NLRP2: variants seen among roughly 807,000 people sequenced by gnomAD.
The protein encoded by NLRP2 is NACHT, LRR and PYD domains-containing protein 2.
A neutral mutation model predicts 97.2 loss-of-function variants in NLRP2; 107 were observed. The observed-to-expected ratio is 1.10, with a 90% CI of 0.94 to 1.29. The LOEUF (loss-of-function observed/expected upper bound fraction) is 1.29. Among genes scored for constraint, NLRP2 ranks in the 50% most tolerant of loss-of-function variants. The pLI is 0.00. For synonymous variants in NLRP2, 663 were observed against 551.5 expected (o/e 1.20, Z -2.83); for missense variants, 1,495 against 1,330.3 (o/e 1.12, Z -1.93).
At chr19:54,981,525 G>GC (rs544570599) in intron 4 of NLRP2, 92 bp from the exon 5 acceptor site, 19 of 289,310 alleles carry the variant, frequency 6.6e-5, no homozygotes, top group East Asian at 9.2e-5. Context: ...CCTCCCCCCC[G>GC]CCCCATCAGC....
Position 54,985,166 on chromosome 19 carries a change from G to A in NLRP2, c.2150G>A (p.Arg717Lys). The change falls in exon 7 of 13, where the codon AGG (arginine) becomes AAG (lysine). Residue 717 changes from arginine (R) to lysine (K), a missense_variant. By Grantham distance (26) the Arg-to-Lys change is conservative. Transcript: ENST00000448584. ...NDSFLSASLV[R>K]ILCEQIASDT... ...AGCTTTCTCAGTGCCTCCCTAGTAA[G>A]GATCCTGTGTGAACAAATAGCCTCT... 1 of 1,614,102 alleles carries A rather than the reference G, an allele frequency of 6.2e-7. No homozygotes were observed. Among genetic ancestry groups the A allele is most frequent in the Non-Finnish European group, 8.5e-7 (1 of 1,180,022 alleles).
At chr19:54,975,560 T>C (rs183194154) in intron 3 of NLRP2, among the ~76,000 whole-genome samples, 3,374 of 147,890 alleles carry the variant, frequency 0.023, 386 homozygotes, top group African/African-American at 0.08. Flanking sequence ...CATGCCATTC[T>C]CCTGCCTCAG....
chr19:54,990,731 G>A (rs1038530620), intron 10 of NLRP2, 59 bp downstream of exon 10: 28 of 1,571,130 alleles, frequency 1.8e-5, no homozygotes, highest in African/African-American at 1.1e-4. Flanking sequence ...CCCCACCTCC[G>A]GGTTTGAGTA....
rs755178555 is a variant in NLRP2 at position 54,983,323 on chromosome 19, T to C, written c.1625T>C (p.Val542Ala). 22 of 1,613,950 alleles carry C rather than the reference T, an allele frequency of 1.4e-5. No individual in the cohort carries two copies. The highest frequency in any genetic ancestry group is 1.9e-5 in the Non-Finnish European group (22 of 1,179,982). The change falls in exon 6 of 13, where the codon GTA (valine) becomes GCA (alanine). Residue 542 changes from valine to alanine, a missense_variant. By Grantham distance (64) the Val-to-Ala change is moderately conservative. Transcript: ENST00000448584. The stretch of plus-strand genomic sequence containing the variant: ...GACGTACAGAAGCTGCTTTCCGGAG[T>C]AGAAAGACTCAGGAACCCCGACCTG... ...IGDVQKLLSG[V>A]ERLRNPDLIQ...
Position 54,996,046 on chromosome 19 carries a change from A to C in NLRP2, c.2880-1271A>C, listed in dbSNP as rs147083286. Among the ~76,000 whole-genome samples, 41 of 147,954 alleles carry C rather than the reference A, an allele frequency of 2.8e-4. 2 individuals are homozygous for C. In the East Asian group the frequency reaches 6.9e-3, roughly 25 times the overall value. ...CAGTGAGATCCTGTCTCAAAAAAAA[A>C]AAAAAAACAAAAAAAACAAAGGCGC... On this transcript the variant is annotated intron_variant, in intron 11 of 12. Coordinates refer to ENST00000448584, the MANE Select transcript of NLRP2 (RefSeq NM_017852.5).
At position 54,997,495 on chromosome 19, in the gene NLRP2, C is replaced by A; in HGVS notation, c.3050+8C>A. 6.2e-7 allele frequency: 1 copy of A among 1,614,020 alleles called. No homozygotes were observed. Among genetic ancestry groups the A allele is most frequent in the Non-Finnish European group, 8.5e-7 (1 of 1,179,902 alleles). ...CACCCTCCGGACACTCAGGTATGATCCATTTACTTCCCCATCAGGCTTTCT... is the reference window on the plus strand; with the variant it reads ...CACCCTCCGGACACTCAGGTATGATACATTTACTTCCCCATCAGGCTTTCT... On this transcript the variant is annotated splice_region_variant and intron_variant, in intron 12 of 12. Coordinates refer to ENST00000448584, the MANE Select transcript of NLRP2 (RefSeq NM_017852.5).
intron 3 of NLRP2, among the ~76,000 whole-genome samples, chr19:54,977,484 AGTTTGT>A (rs1229568816): frequency 1.2e-4 from 8 of 64,644 alleles, no homozygotes; most frequent in African/African-American, 4.9e-4. Flanking sequence ...ATGCGTGAGT[AGTTTGT>A]GTGTGTGTGT....
chr19:54,968,836 G>C (rs1039712835), intron 1 of NLRP2, among the ~76,000 whole-genome samples: 1 of 151,638 alleles, frequency 6.6e-6, no homozygotes, highest in Non-Finnish European at 1.5e-5. Flanking sequence ...CAAGTAGCTG[G>C]AACTACAGGC....
Position 54,988,677 on chromosome 19 carries a change from G to A in NLRP2, c.2367-1345G>A, listed in dbSNP as rs1367763703. 5.3e-5 allele frequency among the ~76,000 whole-genome samples: 8 copies of A among 152,150 alleles called. 1 individual carries two copies. Among genetic ancestry groups the A allele is most frequent in the East Asian group, 1.9e-4 (1 of 5,156 alleles). ...TGGGATTACAGCCATGTGCCACCAC[G>A]CCCAGCTAATTCTTGTATTTTTAGG... On this transcript the variant is annotated intron_variant, in intron 8 of 12. Transcript: ENST00000448584.
intron 2 of NLRP2, among the ~76,000 whole-genome samples, chr19:54,971,698 A>G (rs923541815): frequency 5.3e-5 from 8 of 151,866 alleles, no homozygotes; most frequent in Non-Finnish European, 1.0e-4. Context: ...ATTATTTTCT[A>G]CCTATTTCTA....
chr19:54,988,637 C>G (rs182959278), intron 8 of NLRP2, among the ~76,000 whole-genome samples: 19 of 152,146 alleles, frequency 1.2e-4, no homozygotes, highest in Non-Finnish European at 1.2e-4. Context: ...AAGTGACATC[C>G]ATCTTCCAAA....
intron 8 of NLRP2, 164 bp downstream of exon 8, chr19:54,986,479 T>TG (rs1200513475): frequency 4.4e-6 from 3 of 687,684 alleles, no homozygotes; most frequent in South Asian, 1.6e-5. Context: ...AGTTTCTACT[T>TG]GCCTTGAACA....
rs2146531358 is a variant in NLRP2 at position 54,994,216 on chromosome 19, G to C, written c.2709-53G>C. 1.0e-5 allele frequency: 16 copies of C among 1,590,304 alleles called. No individual in the cohort carries two copies. The South Asian group carries it at 1.8e-4, about 18-fold the overall frequency. On this transcript the variant is annotated intron_variant, in intron 10 of 12. Coordinates refer to ENST00000448584, the MANE Select transcript of NLRP2 (RefSeq NM_017852.5). ...GCTCAAGAGTCAAAGGTGCATCACAGCAGTGAGAACTCACAGGTTCGGGTT... is the reference window on the plus strand; with the variant it reads ...GCTCAAGAGTCAAAGGTGCATCACACCAGTGAGAACTCACAGGTTCGGGTT...
Position 54,997,168 on chromosome 19 carries a change from G to C in NLRP2, c.2880-149G>C, listed in dbSNP as rs568570006. ...GATCCATCCACCTCGGCCTCCCAAA[G>C]TGCTGGGATTACAGGCGTGAACCAC... is the stretch of plus-strand genomic sequence containing the variant. On this transcript the variant is annotated intron_variant, in intron 11 of 12. Coordinates refer to ENST00000448584, the MANE Select transcript of NLRP2 (RefSeq NM_017852.5). 16 of 798,998 alleles carry C rather than the reference G, an allele frequency of 2.0e-5. No individual in the cohort carries two copies. The East Asian group carries it at 3.8e-4, about 19-fold the overall frequency. The allele number at this position is 798,998 out of a possible 1,614,324, so 49.5% of individuals were successfully genotyped here.
intron 8 of NLRP2, among the ~76,000 whole-genome samples, chr19:54,987,917 C>A (rs1326994092): frequency 2.0e-5 from 3 of 151,944 alleles, no homozygotes; most frequent in Non-Finnish European, 4.4e-5. Context: ...GTGGCGCGTG[C>A]CTGTAATCCC....
intron 10 of NLRP2, chr19:54,990,932 T>G: frequency 1.9e-6 from 1 of 535,622 alleles, no homozygotes; most frequent in East Asian, 3.3e-5. Flanking sequence ...ATGTATGTAT[T>G]TTAGAGATGG....
intron 11 of NLRP2, among the ~76,000 whole-genome samples, chr19:54,996,763 C>A (rs1352201477): frequency 6.6e-6 from 1 of 152,014 alleles, no homozygotes. Context: ...GAACTCCCCC[C>A]CGAGCTCTAT....
At position 54,978,689 on chromosome 19, in the gene NLRP2, A is replaced by G. The variant is rs184523356; in HGVS notation, c.397+866A>G. On this transcript the variant is annotated intron_variant, in intron 4 of 12. Coordinates refer to ENST00000448584, the MANE Select transcript of NLRP2 (RefSeq NM_017852.5). The stretch of plus-strand genomic sequence containing the variant: ...ATGGTGAAACCCAACTCTACTAAAA[A>G]CACAAAAATTAGCCGGGTGTGGTGG... Among the ~76,000 whole-genome samples, 691 of 151,786 alleles carry G rather than the reference A, an allele frequency of 4.6e-3. 2 individuals carry two copies. The highest frequency in any genetic ancestry group is 7.5e-3 in the Admixed American group (114 of 15,240).
At chr19:54,996,642 C>T (rs574798251) in intron 11 of NLRP2, among the ~76,000 whole-genome samples, 1 of 152,228 alleles carries the variant, frequency 6.6e-6, no homozygotes, top group South Asian at 2.1e-4. Context: ...CCTATGACCT[C>T]ATCTTGACAA....
Sources: allele counts gnomAD v4.1 joint callset (sites outside exome capture counted in the v4.1 genomes callset), GRCh38; gene constraint gnomAD v4.1.1; transcripts MANE v1.5; gene names NCBI Gene and HGNC (gene_info 2026-07-23, HGNC 2026-07-21).